Variants in VPS39 observed in about 807,000 individuals in gnomAD.
VPS39 encodes the protein VPS39 subunit of HOPS complex, also known as vam6/Vps39-like protein.
VPS39 carries 70 observed loss-of-function variants against 121.0 expected under a neutral mutation model. The ratio of observed to expected loss-of-function variants is 0.58; its 90% CI spans 0.48 to 0.71. The LOEUF (loss-of-function observed/expected upper bound fraction) is 0.71. Among genes scored for constraint, VPS39 ranks in the 30% least tolerant of loss-of-function variants. The probability of loss-of-function intolerance (pLI) is 0.00; values close to 1 mark genes in which losing one functional copy is unlikely to be tolerated. For missense variants in VPS39, 818 were observed against 1,051.5 expected (o/e 0.78, Z 3.07); for synonymous variants, 378 against 398.1 (o/e 0.95, Z 0.60).
At chr15:42,201,526 G>A (rs938869083) in intron 1 of VPS39, among the ~76,000 whole-genome samples, 2 of 152,172 alleles carry the variant, frequency 1.3e-5, no homozygotes, top group African/African-American at 2.4e-5. Flanking sequence ...AAACTTTAGT[G>A]TATCACAATT....
chr15:42,187,688 T>C, intron 6 of VPS39, 70 bp downstream of exon 6: 1 of 1,410,206 alleles, frequency 7.1e-7, no homozygotes, highest in Non-Finnish European at 1.0e-6. Flanking sequence ...ACTGGAGTCC[T>C]GAACTTCACT....
intron 2 of VPS39, among the ~76,000 whole-genome samples, chr15:42,196,691 T>C (rs1430569836): frequency 6.6e-6 from 1 of 152,192 alleles, no homozygotes; most frequent in East Asian, 1.9e-4. Flanking sequence ...CTGGAGAGGA[T>C]GTAGAGAAAC....
At chr15:42,187,933 T>G in intron 5 of VPS39, 77 bp from the exon 6 acceptor site, 1 of 1,381,000 alleles carries the variant, frequency 7.2e-7, no homozygotes, top group South Asian at 1.2e-5. Flanking sequence ...AGAGATTGTC[T>G]ACCTTGAAAT....
rs1323967508 is a variant in VPS39 at position 42,197,092 on chromosome 15, G to T, written c.139+2804C>A. Among the ~76,000 whole-genome samples the T allele has an allele frequency of 2.1e-5, 3 of 146,270 alleles. No homozygotes were observed. The Admixed American group carries it at 2.1e-4, about 10-fold the overall frequency. On this transcript the variant is annotated intron_variant, in intron 2 of 24. Transcript: ENST00000318006. The stretch of plus-strand genomic sequence containing the variant: ...TGCAAGGACAAAAAAACCAAACACT[G>T]CATGTTCTCACTCATAGGTGGGAAT...
chr15:42,187,346 TG>T lies in VPS39; in HGVS notation c.458del (p.Pro153GlnfsTer24). The T allele has an allele frequency of 6.2e-7, 1 of 1,611,242 alleles. No homozygotes were observed. The highest frequency in any genetic ancestry group is 8.5e-7 in the Non-Finnish European group (1 of 1,179,356). On this transcript the variant is annotated frameshift_variant, in exon 7 of 25. Coordinates refer to ENST00000318006, the MANE Select transcript of VPS39 (RefSeq NM_015289.5). LOFTEE classifies it high-confidence loss of function. ...ACCACGCCATGGACTTGGGCACATC[TG>T]GCACACTAAAGTCCCCCTGAAAAAA... ...FHELQGDFSV[P>X]DVPKSMAWCE...
At chr15:42,172,808 C>T (rs2049373277) in intron 11 of VPS39, among the ~76,000 whole-genome samples, 1 of 152,144 alleles carries the variant, frequency 6.6e-6, no homozygotes, top group Non-Finnish European at 1.5e-5. Flanking sequence ...TGTCATTACC[C>T]TAATATTCCA....
chr15:42,162,594 A>C, intron 21 of VPS39, 113 bp from the exon 22 acceptor site: 2 of 1,270,824 alleles, frequency 1.6e-6, no homozygotes, highest in Non-Finnish European at 2.1e-6. Context: ...GCTATCACTG[A>C]GCATGTAAAA....
chr15:42,176,227 G>C (rs888898993), intron 10 of VPS39, among the ~76,000 whole-genome samples: 22 of 152,218 alleles, frequency 1.4e-4, no homozygotes, highest in African/African-American at 5.1e-4. Flanking sequence ...AAGACTCTGA[G>C]ACCTTTCTGC....
intron 4 of VPS39, 79 bp from the exon 5 acceptor site, chr15:42,189,287 CTG>C: frequency 4.5e-6 from 5 of 1,114,570 alleles, no homozygotes; most frequent in Non-Finnish European, 5.4e-6. Flanking sequence ...AAAAAAGTAA[CTG>C]TGTTAACATC....
At position 42,187,792 on chromosome 15, in the gene VPS39, T is replaced by C. The variant is rs778782704; in HGVS notation, c.407A>G (p.Tyr136Cys). 19 of 1,613,994 alleles carry C rather than the reference T, an allele frequency of 1.2e-5. No homozygotes were observed. Among genetic ancestry groups the C allele is most frequent in the Non-Finnish European group, 1.5e-5 (18 of 1,180,022 alleles). The part of the protein sequence containing the change: ...CVAVKKKLQL[Y>C]FWKDREFHEL... ...ATGAAATTCCCTGTCCTTCCAGAAA[T>C]AGAGCTGCAGCTTCTTTTTTACTGC... The change falls in exon 6 of 25, where the codon TAT (tyrosine) becomes TGT (cysteine). Residue 136 changes from tyrosine to cysteine, a missense_variant. Physicochemically the swap from Tyr to Cys is radical, Grantham distance 194. Transcript: ENST00000318006.
At chr15:42,183,622 C>T (rs1566901937) in intron 8 of VPS39, among the ~76,000 whole-genome samples, 1 of 152,170 alleles carries the variant, frequency 6.6e-6, no homozygotes, top group Admixed American at 6.5e-5. Context: ...GGAAATTTTT[C>T]TTCAAGCCAG....
chr15:42,162,434 G>A lies in VPS39; in HGVS notation c.2223C>T (p.His741=). Residue 741 remains histidine (H), a synonymous_variant, in exon 22 of 25, where the codon CAC becomes CAT. Coordinates refer to ENST00000318006, the MANE Select transcript of VPS39 (RefSeq NM_015289.5). ...GTTCCAGCTTGATTGGCCCCAGGCA[G>A]TGAATGCTGGGGGGCGACAGGTACA... ...LRMYLSPPSI[H]CLGPIKLELL... 1 of 1,613,180 alleles carries A rather than the reference G, an allele frequency of 6.2e-7. No homozygotes were observed. Among genetic ancestry groups the A allele is most frequent in the Non-Finnish European group, 8.5e-7 (1 of 1,179,438 alleles).
At chr15:42,185,104 A>C (rs1486878450) in intron 7 of VPS39, among the ~76,000 whole-genome samples, 1 of 152,204 alleles carries the variant, frequency 6.6e-6, no homozygotes, top group East Asian at 1.9e-4. Flanking sequence ...CAGGAATGCC[A>C]ATGTATGTTT....
chr15:42,185,332 C>T (rs978758697), intron 7 of VPS39, among the ~76,000 whole-genome samples: 3 of 152,044 alleles, frequency 2.0e-5, no homozygotes, highest in Admixed American at 1.3e-4. Context: ...GCGTGTGCCA[C>T]CACGCCAGGC....
At chr15:42,198,850 C>T (rs148602653) in intron 2 of VPS39, among the ~76,000 whole-genome samples, 4 of 152,204 alleles carry the variant, frequency 2.6e-5, no homozygotes, top group Non-Finnish European at 5.9e-5. Flanking sequence ...ATTCTTTGGA[C>T]CTTTTCAGAA....
intron 8 of VPS39, among the ~76,000 whole-genome samples, chr15:42,180,754 T>C (rs958127112): frequency 3.3e-5 from 5 of 152,200 alleles, no homozygotes; most frequent in Admixed American, 1.3e-4. Context: ...TTAGAGATAA[T>C]AGAAATATTT....
rs1043783644 is a variant in VPS39 at position 42,165,226 on chromosome 15, C to T, written c.1780-113G>A. 1.1e-5 allele frequency: 11 copies of T among 1,005,976 alleles called. No individual in the cohort carries two copies. In the Admixed American group the frequency reaches 1.6e-4, roughly 15 times the overall value. The allele number at this position is 1,005,976 out of a possible 1,614,324, so 62.3% of individuals were successfully genotyped here. ...GGTCCCATCCAGATTATCCCCTAAT[C>T]GGGCTGCAAAGATGACTAAGAGACA... On this transcript the variant is annotated intron_variant, in intron 17 of 24. Transcript: ENST00000318006.
intron 2 of VPS39, among the ~76,000 whole-genome samples, chr15:42,193,076 G>A (rs778725744): frequency 1.2e-4 from 19 of 152,132 alleles, no homozygotes; most frequent in South Asian, 2.1e-4. Flanking sequence ...CACTGCCCCC[G>A]GCCTATAATT....
At chr15:42,196,509 A>G (rs1286282304) in intron 2 of VPS39, among the ~76,000 whole-genome samples, 2 of 152,232 alleles carry the variant, frequency 1.3e-5, no homozygotes, top group Non-Finnish European at 2.9e-5. Context: ...TAGGCAAAGG[A>G]TATGAACAGA....
Sources: allele counts gnomAD v4.1 joint callset (sites outside exome capture counted in the v4.1 genomes callset), GRCh38; gene constraint gnomAD v4.1.1; transcripts MANE v1.5; gene names NCBI Gene and HGNC (gene_info 2026-07-23, HGNC 2026-07-21).